The following NBEA variants were observed in gnomAD, a reference collection of about 807,000 sequenced individuals.
NBEA encodes neurobeachin, also known as lysosomal-trafficking regulator 2.
In NBEA, 44 loss-of-function variants were observed where a neutral mutation model predicts 343.4. The ratio of observed to expected loss-of-function variants is 0.13; its 90% CI spans 0.10 to 0.16. NBEA has a LOEUF of 0.16. Ranked by LOEUF, NBEA falls within the 10% of genes least tolerant of loss-of-function variation. The probability of loss-of-function intolerance (pLI) is 1.00; values close to 1 mark genes in which losing one functional copy is unlikely to be tolerated. For missense variants in NBEA, 2,555 were observed against 3,631.3 expected (o/e 0.70, Z 7.62); for synonymous variants, 1,175 against 1,238.7 (o/e 0.95, Z 1.08).
intron 38 of NBEA, among the ~76,000 whole-genome samples, chr13:35,425,904 G>A (rs895742468): frequency 1.3e-4 from 20 of 152,084 alleles, no homozygotes; most frequent in African/African-American, 3.9e-4. Flanking sequence ...TTATGTAATG[G>A]CCTTCTTTGT....
chr13:35,156,250 A>T, intron 20 of NBEA, 44 bp downstream of exon 20: 1 of 1,463,556 alleles, frequency 6.8e-7, no homozygotes, highest in Non-Finnish European at 9.1e-7. Flanking sequence ...TCCATAATTA[A>T]TATTTTCTCT....
intron 38 of NBEA, among the ~76,000 whole-genome samples, chr13:35,392,019 G>A (rs915478873): frequency 2.0e-5 from 3 of 152,060 alleles, no homozygotes; most frequent in African/African-American, 7.2e-5. Flanking sequence ...ATATAGGGGA[G>A]ACGTAAGAAT....
chr13:35,510,283 G>A (rs2077227222), intron 41 of NBEA, among the ~76,000 whole-genome samples: 2 of 152,154 alleles, frequency 1.3e-5, no homozygotes, highest in Non-Finnish European at 2.9e-5. Flanking sequence ...ACTTAAATAA[G>A]TTTAAGGAAG....
chr13:35,358,680 T>G (rs920544174), intron 38 of NBEA, among the ~76,000 whole-genome samples: 5 of 151,628 alleles, frequency 3.3e-5, no homozygotes, highest in Non-Finnish European at 5.9e-5. Flanking sequence ...ATTGTGCCAG[T>G]GCACTCCAGC....
In NBEA at chr13:35,048,604, T is replaced by C; in HGVS notation, c.765T>C (p.Asn255=). 1 of 1,591,268 alleles carries C rather than the reference T, an allele frequency of 6.3e-7. No homozygotes were observed. Among genetic ancestry groups the C allele is most frequent in the Non-Finnish European group, 8.6e-7 (1 of 1,160,756 alleles). The change falls in exon 5 of 59, where the codon AAT becomes AAC. Residue 255 remains asparagine (N), a synonymous_variant. Transcript: ENST00000379939. ...LPPIAKWPYQ[N]GFTLNTWFRM... is the part of the protein sequence containing the mutation. ...CTATTGCAAAGTGGCCTTATCAGAA[T>C]GGCTTCACCTTAAACACTTGGTTTC... is the stretch of plus-strand genomic sequence containing the variant.
chr13:35,158,900 A>C (rs2069366116), intron 21 of NBEA, 116 bp from the exon 22 acceptor site: 1 of 918,708 alleles, frequency 1.1e-6, no homozygotes, highest in East Asian at 2.7e-5. Context: ...GCCAGCTTTG[A>C]AGTCTTAAAC....
At chr13:35,513,223 A>G (rs1594849055) in intron 41 of NBEA, among the ~76,000 whole-genome samples, 1 of 135,724 alleles carries the variant, frequency 7.4e-6, no homozygotes, top group African/African-American at 2.8e-5. Context: ...TGCAACCTCC[A>G]CCTCCCAGGT....
intron 33 of NBEA, among the ~76,000 whole-genome samples, chr13:35,218,667 A>G (rs1207441958): frequency 1.3e-5 from 2 of 151,950 alleles, no homozygotes; most frequent in Non-Finnish European, 2.9e-5. Context: ...TAAATGTTAT[A>G]CATCTCTTAT....
intron 1 of NBEA, among the ~76,000 whole-genome samples, chr13:34,990,130 T>C (rs957863737): frequency 2.0e-5 from 3 of 151,108 alleles, no homozygotes; most frequent in African/African-American, 7.3e-5. Context: ...GCCTGTGGCT[T>C]TTCTAGGCAC....
intron 1 of NBEA, among the ~76,000 whole-genome samples, chr13:35,013,708 A>G (rs2061560167): frequency 6.6e-6 from 1 of 152,182 alleles, no homozygotes; most frequent in Admixed American, 6.5e-5. Context: ...AGCTCAAGTA[A>G]TCCACCTGCC....
intron 10 of NBEA, among the ~76,000 whole-genome samples, chr13:35,087,042 A>G (rs940261632): frequency 6.6e-6 from 1 of 151,652 alleles, no homozygotes; most frequent in African/African-American, 2.4e-5. Context: ...TGTGCTGGAT[A>G]TTAGTCTCTT....
At chr13:35,156,302 T>TA in intron 20 of NBEA, 96 bp downstream of exon 20, 4 of 1,231,240 alleles carry the variant, frequency 3.2e-6, no homozygotes, top group Non-Finnish European at 4.4e-6. Flanking sequence ...TCCATATTGC[T>TA]AAATACTTTT....
At chr13:35,053,904 G>T (rs868790364) in intron 6 of NBEA, among the ~76,000 whole-genome samples, 3 of 152,010 alleles carry the variant, frequency 2.0e-5, no homozygotes, top group African/African-American at 2.4e-5. Context: ...ATGAAAATAG[G>T]TTCAGAGATA....
At chr13:34,953,516 A>G (rs1048978942) in intron 1 of NBEA, among the ~76,000 whole-genome samples, 3 of 152,128 alleles carry the variant, frequency 2.0e-5, no homozygotes, top group African/African-American at 4.8e-5. Flanking sequence ...CCCCTATTTA[A>G]GTGACGTCTT....
In NBEA at chr13:35,252,321, A is replaced by T. The variant is rs117956577; in HGVS notation, c.5776+19702A>T. ...CAGCATGGGAGAAATCACCCCCATG[A>T]TTCAGTCAGCTCTGCCAGGTCCCTC... On this transcript the variant is annotated intron_variant, in intron 34 of 58. Coordinates refer to ENST00000379939, the MANE Select transcript of NBEA (RefSeq NM_001385012.1). Among the ~76,000 whole-genome samples, 1,381 of 152,300 alleles carry T rather than the reference A, an allele frequency of 9.1e-3. 7 individuals are homozygous for T. The highest frequency in any genetic ancestry group is 0.038 in the South Asian group (184 of 4,820).
At chr13:35,064,575 G>A (rs1181284526) in intron 8 of NBEA, among the ~76,000 whole-genome samples, 2 of 151,900 alleles carry the variant, frequency 1.3e-5, no homozygotes, top group Non-Finnish European at 1.5e-5. Flanking sequence ...AATAGTTGAG[G>A]TATGTTACAA....
chr13:35,284,363 G>GT (rs569478828), intron 34 of NBEA, among the ~76,000 whole-genome samples: 295 of 151,618 alleles, frequency 1.9e-3, no homozygotes, highest in African/African-American at 4.9e-3. Flanking sequence ...ATTTTGCAGG[G>GT]TTTTTTTTGT....
chr13:35,630,509 G>A (rs79248066), intron 49 of NBEA, among the ~76,000 whole-genome samples: 1 of 152,268 alleles, frequency 6.6e-6, no homozygotes, highest in East Asian at 1.9e-4. Context: ...TTCTAGTGAT[G>A]CAGACTCTCT....
intron 45 of NBEA, among the ~76,000 whole-genome samples, chr13:35,579,500 A>G (rs1436103078): frequency 1.3e-5 from 2 of 152,128 alleles, no homozygotes; most frequent in Non-Finnish European, 2.9e-5. Flanking sequence ...ATCAAGGCTA[A>G]GATGACAGAA....
Sources: allele counts gnomAD v4.1 joint callset (sites outside exome capture counted in the v4.1 genomes callset), GRCh38; gene constraint gnomAD v4.1.1; transcripts MANE v1.5; gene names NCBI Gene and HGNC (gene_info 2026-07-23, HGNC 2026-07-21).